The following ERN1 variants were observed in gnomAD, a reference collection of about 807,000 sequenced individuals.
ERN1 encodes the protein endoplasmic reticulum to nucleus signaling 1, also known as serine/threonine-protein kinase/endoribonuclease IRE1.
A neutral mutation model predicts 113.1 loss-of-function variants in ERN1; 39 were observed. The ratio of observed to expected loss-of-function variants is 0.34; its 90% confidence interval spans 0.27 to 0.45. The LOEUF (loss-of-function observed/expected upper bound fraction) is 0.45, where lower values mean the gene tolerates loss of function less well. Among genes scored for constraint, ERN1 ranks in the 20% least tolerant of loss-of-function variants. The probability of loss-of-function intolerance (pLI) is 1.00; values close to 1 mark genes in which losing one functional copy is unlikely to be tolerated. For synonymous variants in ERN1, 507 were observed against 515.9 expected (o/e 0.98, Z 0.23); for missense variants, 976 against 1,274.8 (o/e 0.77, Z 3.57).
intron 11 of ERN1, among the ~76,000 whole-genome samples, chr17:64,060,097 G>A (rs538000928): frequency 4.6e-5 from 7 of 151,838 alleles, no homozygotes; most frequent in Non-Finnish European, 7.4e-5. Flanking sequence ...TAGTAGCCTC[G>A]GGTCTGGCCA....
At chr17:64,069,726 T>C (rs967403611) in intron 6 of ERN1, among the ~76,000 whole-genome samples, 2 of 152,118 alleles carry the variant, frequency 1.3e-5, no homozygotes, top group African/African-American at 2.4e-5. Flanking sequence ...GGGTGGGGGA[T>C]GGGAAGGGGA....
At chr17:64,052,424 G>C (rs1598046250) in intron 17 of ERN1, among the ~76,000 whole-genome samples, 1 of 151,910 alleles carries the variant, frequency 6.6e-6, no homozygotes, top group African/African-American at 2.4e-5. Context: ...AGAATCGCTT[G>C]AACCTGGGAG....
intron 2 of ERN1, 30 bp downstream of exon 2, chr17:64,098,091 C>T (rs781241284): frequency 6.2e-7 from 1 of 1,612,730 alleles, no homozygotes; most frequent in Admixed American, 1.7e-5. Flanking sequence ...AGCAAATGTC[C>T]ATGTCGCCCA....
At chr17:64,121,353 C>T (rs1232070314) in intron 1 of ERN1, among the ~76,000 whole-genome samples, 1 of 152,156 alleles carries the variant, frequency 6.6e-6, no homozygotes, top group Non-Finnish European at 1.5e-5. Flanking sequence ...GGGTTAAAGG[C>T]CTCTAAGGAA....
At chr17:64,084,049 C>T (rs973938610) in intron 2 of ERN1, among the ~76,000 whole-genome samples, 3 of 152,092 alleles carry the variant, frequency 2.0e-5, no homozygotes, top group African/African-American at 7.2e-5. Flanking sequence ...CTATAACTTC[C>T]ACCCTAACCA....
chr17:64,066,634 C>T, intron 8 of ERN1, 37 bp downstream of exon 8: 1 of 1,608,298 alleles, frequency 6.2e-7, no homozygotes. Context: ...ACACGAAGGC[C>T]ACGGCCGCCC....
At chr17:64,050,370 C>A (rs181703987) in intron 17 of ERN1, among the ~76,000 whole-genome samples, 1 of 152,260 alleles carries the variant, frequency 6.6e-6, no homozygotes, top group African/African-American at 2.4e-5. Flanking sequence ...TTCCTACCTG[C>A]CTGGCCCCAA....
intron 1 of ERN1, among the ~76,000 whole-genome samples, chr17:64,127,237 T>C (rs996991917): frequency 6.6e-6 from 1 of 152,200 alleles, no homozygotes; most frequent in Non-Finnish European, 1.5e-5. Flanking sequence ...AATCACAGTA[T>C]TGCCTCCAAT....
Position 64,063,032 on chromosome 17 carries a change from T to C in ERN1, c.1087+954A>G, listed in dbSNP as rs112742168. ...ATCCTGCTGTTTCCTGGTCCCCACA[T>C]GCTCCCAGCTGCCCCACATCTCTTT... On this transcript the variant is annotated intron_variant, in intron 10 of 21. Coordinates refer to ENST00000433197, the MANE Select transcript of ERN1 (RefSeq NM_001433.5). This position sits in a 1 kb window ranked among gnomAD's most constrained non-coding sequence, Gnocchi z 5.1. Among the ~76,000 whole-genome samples the C allele has an allele frequency of 0.031, 4,682 of 152,272 alleles. 234 individuals are homozygous for C. Among genetic ancestry groups the C allele is most frequent in the African/African-American group, 0.11 (4,427 of 41,528 alleles).
chr17:64,125,713 G>A (rs1191219851), intron 1 of ERN1, among the ~76,000 whole-genome samples: 1 of 152,044 alleles, frequency 6.6e-6, no homozygotes, highest in Non-Finnish European at 1.5e-5. Context: ...GCTCTCGAAC[G>A]CCTGACCTCA....
chr17:64,054,645 C>T lies in ERN1; in HGVS notation c.1763+93G>A, dbSNP rs1190842452. 9.0e-7 allele frequency: 1 copy of T among 1,107,998 alleles called. No homozygotes were observed. The highest frequency in any genetic ancestry group is 1.3e-6 in the Non-Finnish European group (1 of 766,416). 68.6% of individuals were successfully genotyped at this position (1,107,998 alleles called of 1,614,324 possible). A position where few individuals can be genotyped will look rare whatever the true frequency, so the allele number is the denominator to read the frequency against. On this transcript the variant is annotated intron_variant, in intron 14 of 21. Transcript: ENST00000433197. The surrounding 1 kb of genome is among the most constrained non-coding windows in gnomAD (Gnocchi z 4.9). ...CCATGCGTCTAGGTCACTGCTTTGACCCTGCTGTGCTCTGAGCCTGGCACC... is the reference window on the plus strand; with the variant it reads ...CCATGCGTCTAGGTCACTGCTTTGATCCTGCTGTGCTCTGAGCCTGGCACC...
intron 18 of ERN1, 71 bp downstream of exon 18, chr17:64,048,984 C>G: frequency 2.8e-6 from 4 of 1,413,906 alleles, no homozygotes; most frequent in South Asian, 3.1e-5. Context: ...AAGGTGGCAC[C>G]AGCCCAGCTC....
rs1395818194 is a variant in ERN1 at position 64,042,442 on chromosome 17, C to G, written c.*1546G>C. Reference sequence around the variant, plus strand: ...AAATACACAAACAGAAAACATCTTACAACATGAAGAAACAGTGATTTCTCT... The same window carrying G: ...AAATACACAAACAGAAAACATCTTAGAACATGAAGAAACAGTGATTTCTCT... On this transcript the variant is annotated 3_prime_UTR_variant, in exon 22 of 22. Coordinates refer to ENST00000433197, the MANE Select transcript of ERN1 (RefSeq NM_001433.5). The G allele has an allele frequency of 6.6e-6, 1 of 152,198 alleles. No homozygotes were observed. The highest frequency in any genetic ancestry group is 2.4e-5 in the African/African-American group (1 of 41,448). The allele number at this position is 152,198 out of a possible 1,614,324, so 9.4% of individuals were successfully genotyped here.
At chr17:64,098,516 A>T in intron 1 of ERN1, 3 of 636,962 alleles carry the variant, frequency 4.7e-6, no homozygotes, top group Non-Finnish European at 8.9e-6. Flanking sequence ...CCTCCACTGA[A>T]ACAGAGGGGC....
chr17:64,075,849 C>T (rs2143399105), intron 4 of ERN1, among the ~76,000 whole-genome samples: 1 of 152,286 alleles, frequency 6.6e-6, no homozygotes, highest in South Asian at 2.1e-4. Flanking sequence ...AATGACAGTG[C>T]TTTGTAGAGC....
At chr17:64,061,497 G>C (rs952388418) in intron 10 of ERN1, among the ~76,000 whole-genome samples, 1 of 152,288 alleles carries the variant, frequency 6.6e-6, no homozygotes, top group East Asian at 1.9e-4. Context: ...CAACAAACAG[G>C]AACTAGTCTA....
chr17:64,078,367 T>C (rs1368851637), intron 4 of ERN1, among the ~76,000 whole-genome samples: 1 of 152,238 alleles, frequency 6.6e-6, no homozygotes, highest in African/African-American at 2.4e-5. Flanking sequence ...TAACGTACCA[T>C]AGGATTTCTT....
chr17:64,058,314 T>C lies in ERN1; in HGVS notation c.1207-321A>G, dbSNP rs894379977. ...AAAAGGCAAACACTTCCTCCTTTGA[T>C]GGTAGGTTCAGTATCCAGGAAAACA... On this transcript the variant is annotated intron_variant, in intron 11 of 21. Transcript: ENST00000433197. 4.6e-5 allele frequency among the ~76,000 whole-genome samples: 7 copies of C among 152,312 alleles called. No homozygotes were observed. The South Asian group carries it at 1.5e-3, about 32-fold the overall frequency.
intron 4 of ERN1, 68 bp downstream of exon 4, chr17:64,079,594 G>T: frequency 7.8e-7 from 1 of 1,279,944 alleles, no homozygotes; most frequent in Non-Finnish European, 1.1e-6. Flanking sequence ...GTAAGACACT[G>T]TGCAGACACA....
Sources: gnomAD v4.1 joint callset for allele counts (sites outside exome capture counted in the v4.1 genomes callset) on GRCh38, gnomAD v4.1.1 for gene constraint, Gnocchi (gnomAD v3.1) non-coding constraint, MANE v1.5 for transcripts, NCBI Gene and HGNC (gene_info 2026-07-23, HGNC 2026-07-21) for gene names.